Variants in IQANK1 observed in about 807,000 individuals in gnomAD.
IQANK1 encodes IQ motif and ankyrin repeat containing 1, also known as IQ motif and ankyrin repeat domain-containing protein 1.
Under a neutral mutation model 22.6 loss-of-function variants are expected in IQANK1, and 30 were observed. The observed-to-expected ratio is 1.33, with a 90% CI of 0.99 to 1.80. The LOEUF (loss-of-function observed/expected upper bound fraction) is 1.80. Among genes scored for constraint, IQANK1 ranks in the 40% most tolerant of loss-of-function variants. IQANK1 has a pLI of 0.00. For missense variants in IQANK1, 275 were observed against 235.2 expected, an observed-to-expected ratio of 1.17 and a Z score of -1.11; for synonymous variants, 122 against 99.6, an observed-to-expected ratio of 1.23 and a Z score of -1.34.
intron 7 of IQANK1, among the ~76,000 whole-genome samples, chr8:143,787,408 G>T (rs1301727928): frequency 6.6e-6 from 1 of 151,874 alleles, no homozygotes; most frequent in Non-Finnish European, 1.5e-5. Flanking sequence ...AGACCTGCAG[G>T]CCCCCTACAC....
At chr8:143,754,203 G>A (rs1819246494) in intron 3 of IQANK1, among the ~76,000 whole-genome samples, 1 of 152,212 alleles carries the variant, frequency 6.6e-6, no homozygotes, top group African/African-American at 2.4e-5. Context: ...TTGCAGCAAT[G>A]TGGGGAGGGG....
chr8:143,742,632 A>G (rs559676173), intron 3 of IQANK1: 8 of 456,076 alleles, frequency 1.8e-5, no homozygotes, highest in Admixed American at 1.6e-4. Context: ...CTGCTTTCCA[A>G]AAGAAGAATA....
chr8:143,739,992 G>A, intron 3 of IQANK1, 44 bp downstream of exon 3: 1 of 668,648 alleles, frequency 1.5e-6, no homozygotes, highest in Non-Finnish European at 2.7e-6. Context: ...GACCGGGTGA[G>A]CTGTTGGCAG....
At position 143,771,308 on chromosome 8, in the gene IQANK1, C is replaced by T. The variant is rs1819565813; in HGVS notation, c.176-180C>T. On this transcript the variant is annotated intron_variant, in intron 3 of 13. Coordinates refer to ENST00000527139, the MANE Select transcript of IQANK1 (RefSeq NM_001381874.1). The surrounding 1 kb of genome is among the most constrained non-coding windows in gnomAD (Gnocchi z 6.0). ...CCTCTCCGCGTCCCGGGCTCTCGCG[C>T]AGCCTCCTCGTGCGGCCTCTGCGGG... is the stretch of plus-strand genomic sequence containing the variant. 6.6e-6 allele frequency among the ~76,000 whole-genome samples: 1 copy of T among 151,760 alleles called. No individual in the cohort carries two copies. Among genetic ancestry groups the T allele is most frequent in the Non-Finnish European group, 1.5e-5 (1 of 67,898 alleles).
intron 2 of IQANK1, among the ~76,000 whole-genome samples, chr8:143,739,244 G>A (rs1818828218): frequency 1.3e-5 from 2 of 151,862 alleles, no homozygotes; most frequent in Non-Finnish European, 2.9e-5. Flanking sequence ...TGGGAGGGTG[G>A]GCTCCAGGTG....
intron 3 of IQANK1, among the ~76,000 whole-genome samples, chr8:143,741,244 C>T (rs1818905004): frequency 6.6e-6 from 1 of 152,214 alleles, no homozygotes; most frequent in Non-Finnish European, 1.5e-5. Flanking sequence ...ACTGGCTAGG[C>T]GTCTGGGGGC....
intron 3 of IQANK1, among the ~76,000 whole-genome samples, chr8:143,748,807 C>CATATAAATATGTAAATATATATTTCAT (rs1819101328): frequency 2.5e-5 from 1 of 40,142 alleles, no homozygotes; most frequent in African/African-American, 6.2e-5. Context: ...AAATATATAT[C>CATATAAATATGTAAATATATATTTCAT]ATATAAATAT....
chr8:143,778,127 G>A (rs371444747), intron 7 of IQANK1, among the ~76,000 whole-genome samples: 2 of 151,994 alleles, frequency 1.3e-5, no homozygotes, highest in Non-Finnish European at 2.9e-5. Flanking sequence ...CCCAGGAGGC[G>A]GAGCTTGCAG....
intron 7 of IQANK1, among the ~76,000 whole-genome samples, chr8:143,773,904 G>A (rs1202259216): frequency 1.3e-5 from 2 of 152,082 alleles, no homozygotes; most frequent in South Asian, 2.1e-4. Context: ...ATGGTGGCCC[G>A]GAGAGCTGAG....
chr8:143,748,701 A>C (rs1819092682), intron 3 of IQANK1, among the ~76,000 whole-genome samples: 2 of 116,336 alleles, frequency 1.7e-5, no homozygotes, highest in Non-Finnish European at 3.2e-5. Flanking sequence ...ATCATATATA[A>C]ATATATAAAT....
chr8:143,773,121 A>C (rs1270254508), intron 7 of IQANK1, among the ~76,000 whole-genome samples: 2 of 152,310 alleles, frequency 1.3e-5, no homozygotes, highest in African/African-American at 4.8e-5. Flanking sequence ...ATCCTGGCCA[A>C]CATGGTGAAA....
At chr8:143,756,420 T>G (rs6558387) in intron 3 of IQANK1, among the ~76,000 whole-genome samples, 31,239 of 151,778 alleles carry the variant, frequency 0.21, 9,093 homozygotes, top group African/African-American at 0.65. Context: ...TGTGGATCAA[T>G]AGGGAGGAGG....
chr8:143,743,187 C>T (rs904895888), intron 3 of IQANK1: 2 of 373,548 alleles, frequency 5.4e-6, no homozygotes, highest in Admixed American at 6.8e-5. Flanking sequence ...TCCACTTCTG[C>T]CTCCCTCTTC....
chr8:143,744,475 G>A (rs1361893264), intron 3 of IQANK1: 1 of 152,286 alleles, frequency 6.6e-6, no homozygotes, highest in Non-Finnish European at 1.5e-5. Context: ...CACACACCAA[G>A]TACAGAGGCT....
chr8:143,784,772 G>A (rs1819856044), intron 7 of IQANK1, among the ~76,000 whole-genome samples: 1 of 152,030 alleles, frequency 6.6e-6, no homozygotes, highest in Non-Finnish European at 1.5e-5. Flanking sequence ...TAGCTCATTG[G>A]TCAGATCTAG....
At chr8:143,782,795 A>G (rs575908096) in intron 7 of IQANK1, among the ~76,000 whole-genome samples, 5 of 152,244 alleles carry the variant, frequency 3.3e-5, no homozygotes, top group South Asian at 2.1e-4. Flanking sequence ...TCTTTATTCC[A>G]TCATTAAATC....
At position 143,742,064 on chromosome 8, in the gene IQANK1, G is replaced by A. The variant is rs531249407; in HGVS notation, c.175+2116G>A. 1.1e-3 allele frequency: 309 copies of A among 293,852 alleles called. 1 individual carries two copies. Among genetic ancestry groups the A allele is most frequent in the South Asian group, 9.8e-3 (296 of 30,164 alleles). 18.2% of individuals were successfully genotyped at this position (293,852 alleles called of 1,614,324 possible). On this transcript the variant is annotated intron_variant, in intron 3 of 13. Coordinates refer to ENST00000527139, the MANE Select transcript of IQANK1 (RefSeq NM_001381874.1). Reference sequence around the variant, plus strand: ...ACGAGCCTGTCTGTGCCCTCGCTGCGGCCGACTCTCTCTAGGAGCGTCCCC... The same window carrying A: ...ACGAGCCTGTCTGTGCCCTCGCTGCAGCCGACTCTCTCTAGGAGCGTCCCC...
chr8:143,760,881 C>T (rs2129873137), intron 3 of IQANK1, among the ~76,000 whole-genome samples: 1 of 152,288 alleles, frequency 6.6e-6, no homozygotes, highest in East Asian at 1.9e-4. Context: ...CGGTCATCGC[C>T]GCGCAGGCGG....
Position 143,742,029 on chromosome 8 carries a change from C to T in IQANK1, c.175+2081C>T, listed in dbSNP as rs1033592460. On this transcript the variant is annotated intron_variant, in intron 3 of 13. Coordinates refer to ENST00000527139, the MANE Select transcript of IQANK1 (RefSeq NM_001381874.1). Reference sequence around the variant, plus strand: ...TGCTGGCTGACGTCCATGGTGCAGTCGTGATGTCCACGAGCCTGTCTGTGC... The same window carrying T: ...TGCTGGCTGACGTCCATGGTGCAGTTGTGATGTCCACGAGCCTGTCTGTGC... The T allele has an allele frequency of 8.8e-5, 25 of 285,124 alleles. 1 individual carries two copies. Among genetic ancestry groups the T allele is most frequent in the South Asian group, 5.4e-4 (15 of 27,794 alleles). The allele number at this position is 285,124 out of a possible 1,614,324, so 17.7% of individuals were successfully genotyped here.
Sources: allele counts gnomAD v4.1 joint callset (sites outside exome capture counted in the v4.1 genomes callset), GRCh38; gene constraint gnomAD v4.1.1; non-coding constraint Gnocchi (gnomAD v3.1); transcripts MANE v1.5; gene names NCBI Gene and HGNC (gene_info 2026-07-23, HGNC 2026-07-21).